Variants in CYP26C1 observed in about 807,000 individuals in gnomAD.
CYP26C1 encodes the protein cytochrome P450 family 26 subfamily C member 1.
Under a neutral mutation model 39.1 loss-of-function variants are expected in CYP26C1, and 41 were observed. That is an observed-to-expected ratio of 1.05 (90% CI 0.82 to 1.36). CYP26C1 has a LOEUF of 1.36. Ranked by LOEUF, CYP26C1 falls within the 40% of genes most tolerant of loss-of-function variation. CYP26C1 has a pLI of 0.00. For synonymous variants in CYP26C1, 362 were observed against 350.8 expected (o/e 1.03, Z -0.36); for missense variants, 833 against 752.0 (o/e 1.11, Z -1.26).
At position 93,068,876 on chromosome 10, in the gene CYP26C1, A is replaced by ACC. The variant is rs1846862895; in HGVS notation, c.*180_*181dup. ...ACTCGAGGAAGGAGGAGGGCGAGCC[A>ACC]CCGCTGCCGCGCCAGAGAAGCATCT... On this transcript the variant is annotated 3_prime_UTR_variant, in exon 6 of 6. Transcript: ENST00000651965. 9.0e-7 allele frequency: 1 copy of ACC among 1,106,676 alleles called. No individual in the cohort carries two copies. The highest frequency in any genetic ancestry group is 1.6e-5 in the African/African-American group (1 of 61,224). The allele number at this position is 1,106,676 out of a possible 1,614,324, so 68.6% of individuals were successfully genotyped here.
At chr10:93,062,348 C>A (rs1351386208) in intron 2 of CYP26C1, 114 bp downstream of exon 2, 13 of 1,133,400 alleles carry the variant, frequency 1.1e-5, no homozygotes, top group Non-Finnish European at 3.6e-6. Flanking sequence ...ACCAAGGTCC[C>A]TGGTAACTAG....
chr10:93,064,677 A>G, intron 4 of CYP26C1, 141 bp downstream of exon 4: 1 of 1,432,542 alleles, frequency 7.0e-7, no homozygotes, highest in Non-Finnish European at 9.1e-7. Flanking sequence ...GCAAGAGGAG[A>G]CCTGGGTTCC....
chr10:93,064,931 A>C (rs1017997679), intron 4 of CYP26C1, among the ~76,000 whole-genome samples: 1 of 152,150 alleles, frequency 6.6e-6, no homozygotes, highest in Non-Finnish European at 1.5e-5. Flanking sequence ...GCTCAGGATC[A>C]AACTCCACAT....
At chr10:93,066,764 GA>G (rs1348494233) in intron 5 of CYP26C1, among the ~76,000 whole-genome samples, 2 of 152,192 alleles carry the variant, frequency 1.3e-5, no homozygotes, top group African/African-American at 4.8e-5. Flanking sequence ...GATTCCAGGG[GA>G]GGGGGGGATT....
rs1590135584 is a variant in CYP26C1, at chr10:93,062,857, C to G, written c.567C>G (p.Thr189=). The G allele has an allele frequency of 1.2e-6, 2 of 1,600,962 alleles. No individual in the cohort carries two copies. The highest frequency in any genetic ancestry group is 4.5e-5 in the East Asian group (2 of 44,796). Reference sequence around the variant, plus strand: ...TCTACGACGCCTCCAAAGCGCTCACCTTCCGCATGGCCGCGCGCATCCTGC... The same window carrying G: ...TCTACGACGCCTCCAAAGCGCTCACGTTCCGCATGGCCGCGCGCATCCTGC... The part of the protein sequence containing the change: ...VSVYDASKAL[T]FRMAARILLG... The change falls in exon 3 of 6, where the codon ACC becomes ACG. Residue 189 remains threonine, a synonymous_variant. Coordinates refer to ENST00000651965, the MANE Select transcript of CYP26C1 (RefSeq NM_183374.3).
In CYP26C1 at chr10:93,068,068, G is replaced by A. The variant is rs567904163; in HGVS notation, c.1192-252G>A. ...AATTTGAATCCTCACCAACAAAGGG[G>A]CCATTTTTCCCCTCATTTTTTCAAA... On this transcript the variant is annotated intron_variant, in intron 5 of 5. Transcript: ENST00000651965. Among the ~76,000 whole-genome samples, 5 of 152,316 alleles carry A rather than the reference G, an allele frequency of 3.3e-5. No individual in the cohort carries two copies. The East Asian group carries it at 7.7e-4, about 23-fold the overall frequency.
Position 93,066,118 on chromosome 10 carries a change from G to C in CYP26C1, c.1024G>C (p.Ala342Pro), listed in dbSNP as rs1478689286. ...CGCGTGCGGCTGCGCGCCCGGGGCC[G>C]CTGGGGGCAGCGAGGGGCCCCCGCC... ...GRACGCAPGA[A>P]GGSEGPPPDC... is the part of the protein sequence containing the mutation. The change falls in exon 5 of 6, where the codon GCT (alanine) becomes CCT (proline). Residue 342 changes from alanine to proline, a missense_variant. Coordinates refer to ENST00000651965, the MANE Select transcript of CYP26C1 (RefSeq NM_183374.3). 1.5e-6 allele frequency: 2 copies of C among 1,324,788 alleles called. No homozygotes were observed. Among genetic ancestry groups the C allele is most frequent in the Admixed American group, 7.8e-5 (2 of 25,786 alleles). 82.1% of individuals were successfully genotyped at this position (1,324,788 alleles called of 1,614,324 possible). A position where few individuals can be genotyped will look rare whatever the true frequency, so the allele number is the denominator to read the frequency against.
Position 93,066,290 on chromosome 10 carries a change from G to A in CYP26C1, c.1191+5G>A, listed in dbSNP as rs1435101900. 2.9e-6 allele frequency: 4 copies of A among 1,364,614 alleles called. No homozygotes were observed. Among genetic ancestry groups the A allele is most frequent in the Admixed American group, 2.9e-5 (1 of 34,816 alleles). 84.5% of individuals were successfully genotyped at this position (1,364,614 alleles called of 1,614,324 possible). A position where few individuals can be genotyped will look rare whatever the true frequency, so the allele number is the denominator to read the frequency against. ...CTGCGCACCTTCGAGCTCGACGTAA[G>A]TGCGCCGTGCCAGCCCATGGCCAGC... On this transcript the variant is annotated splice_donor_5th_base_variant and intron_variant, in intron 5 of 5. Transcript: ENST00000651965.
Position 93,060,970 on chromosome 10 carries a change from A to T in CYP26C1, c.-294A>T, listed in dbSNP as rs954824654. ...AGCCGGGAGTGAGCGTTCCCGAGGC[A>T]GCAGGCACCTTCGAGAGGGACTGGC... On this transcript the variant is annotated 5_prime_UTR_variant, in exon 1 of 6. Coordinates refer to ENST00000651965, the MANE Select transcript of CYP26C1 (RefSeq NM_183374.3). The T allele has an allele frequency of 1.6e-5, 7 of 437,900 alleles. No individual in the cohort carries two copies. The highest frequency in any genetic ancestry group is 2.4e-5 in the Non-Finnish European group (6 of 248,366). 27.1% of individuals were successfully genotyped at this position (437,900 alleles called of 1,614,324 possible). A position where few individuals can be genotyped will look rare whatever the true frequency, so the allele number is the denominator to read the frequency against.
At chr10:93,065,476 G>C (rs1179605561) in intron 4 of CYP26C1, among the ~76,000 whole-genome samples, 1 of 152,192 alleles carries the variant, frequency 6.6e-6, no homozygotes, top group East Asian at 1.9e-4. Flanking sequence ...GCCATTGTCA[G>C]GCTGTTCCAC....
Position 93,062,818 on chromosome 10 carries a change from C to T in CYP26C1, c.528C>T (p.Gly176=). The T allele has an allele frequency of 6.4e-7, 1 of 1,562,130 alleles. No homozygotes were observed. Among genetic ancestry groups the T allele is most frequent in the South Asian group, 1.2e-5 (1 of 86,822 alleles). The part of the protein sequence containing the change: ...RHEVRSWCAA[G]GPVSVYDASK... The stretch of plus-strand genomic sequence containing the variant: ...AGGTGCGCTCCTGGTGCGCGGCGGG[C>T]GGGCCGGTCTCAGTCTACGACGCCT... Residue 176 remains glycine (G), a synonymous_variant, in exon 3 of 6, where the codon GGC becomes GGT. Coordinates refer to ENST00000651965, the MANE Select transcript of CYP26C1 (RefSeq NM_183374.3).
In CYP26C1 at chr10:93,062,184, T is replaced by G; in HGVS notation, c.379T>G (p.Ser127Ala). The G allele has an allele frequency of 6.5e-7, 1 of 1,536,518 alleles. No homozygotes were observed. Among genetic ancestry groups the G allele is most frequent in the Non-Finnish European group, 8.7e-7 (1 of 1,146,334 alleles). ...GCAGAGTGCGCACATCCTGCTGGGC[T>G]CGCACACACTGCTAGGTGCGGTCGG... ...WPQSAHILLG[S>A]HTLLGAVGEP... Residue 127 changes from serine (S) to alanine (A), a missense_variant, in exon 2 of 6, where the codon TCG becomes GCG. Physicochemically the swap from Ser to Ala is moderately conservative, Grantham distance 99 (BLOSUM62 1). Coordinates refer to ENST00000651965, the MANE Select transcript of CYP26C1 (RefSeq NM_183374.3).
In CYP26C1 at chr10:93,061,468, G is replaced by A; in HGVS notation, c.204+1G>A. 2 of 1,550,000 alleles carry A rather than the reference G, an allele frequency of 1.3e-6. No individual in the cohort carries two copies. Among genetic ancestry groups the A allele is most frequent in the Non-Finnish European group, 1.7e-6 (2 of 1,147,374 alleles). ...CGAAACGCTGCACTGGTTAGTTCAG[G>A]TGAGCAGTCCTTCGACCCCGAGCGC... On this transcript the variant is annotated splice_donor_variant, in intron 1 of 5. Coordinates refer to ENST00000651965, the MANE Select transcript of CYP26C1 (RefSeq NM_183374.3). LOFTEE classifies it high-confidence loss of function.
At position 93,068,560 on chromosome 10, in the gene CYP26C1, C is replaced by T; in HGVS notation, c.1432C>T (p.Arg478Cys). 1.3e-6 allele frequency: 2 copies of T among 1,593,172 alleles called. No individual in the cohort carries two copies. Among genetic ancestry groups the T allele is most frequent in the Non-Finnish European group, 1.7e-6 (2 of 1,170,420 alleles). The change falls in exon 6 of 6, where the codon CGC becomes TGC. Residue 478 changes from arginine to cysteine, a missense_variant. Transcript: ENST00000651965. Reference sequence around the variant, plus strand: ...CCAGCTGCTAGCTGTGGAGCTAGTGCGCACCGCGCGCTGGGAACTGGCCAC... The same window carrying T: ...CCAGCTGCTAGCTGTGGAGCTAGTGTGCACCGCGCGCTGGGAACTGGCCAC... ...VLQLLAVELVRTARWELATPA... is the reference protein window; with the variant it reads ...VLQLLAVELVCTARWELATPA...
Position 93,061,311 on chromosome 10 carries a change from C to A in CYP26C1, c.48C>A (p.Gly16=). The A allele has an allele frequency of 6.3e-7, 1 of 1,596,550 alleles. No individual in the cohort carries two copies. Among genetic ancestry groups the A allele is most frequent in the Non-Finnish European group, 8.5e-7 (1 of 1,172,740 alleles). The change falls in exon 1 of 6, where the codon GGC becomes GGA. Residue 16 remains glycine, a synonymous_variant. Transcript: ENST00000651965. ...GCCTGTCAGTGCTGGGGGCGGCGGG[C>A]ACTGCTCTCCTGTGCGCGGGCCTGC... ...LSCLSVLGAA[G]TALLCAGLLL... is the part of the protein sequence containing the mutation.
rs1374881422 is a variant in CYP26C1 at position 93,069,138 on chromosome 10, C to T, written c.*441C>T. The T allele has an allele frequency of 6.4e-6, 1 of 156,810 alleles. No homozygotes were observed. The highest frequency in any genetic ancestry group is 1.4e-5 in the Non-Finnish European group (1 of 71,324). The allele number at this position is 156,810 out of a possible 1,614,324, so 9.7% of individuals were successfully genotyped here. ...CCGACGCACGCGGTGGGACCTGCAA[C>T]CCTTGTAAGGAAGCGGGCACGCCGT... On this transcript the variant is annotated 3_prime_UTR_variant, in exon 6 of 6. Transcript: ENST00000651965.
At chr10:93,062,687 C>T in intron 2 of CYP26C1, 33 bp from the exon 3 acceptor site, 2 of 1,390,040 alleles carry the variant, frequency 1.4e-6, no homozygotes. Flanking sequence ...GAGGCCAGAC[C>T]GCCGCCAGCG....
Position 93,061,112 on chromosome 10 carries a change from T to A in CYP26C1, c.-152T>A. On this transcript the variant is annotated 5_prime_UTR_variant, in exon 1 of 6. Coordinates refer to ENST00000651965, the MANE Select transcript of CYP26C1 (RefSeq NM_183374.3). The stretch of plus-strand genomic sequence containing the variant: ...CCGTCCGTCTGTTTTTAGAACAGAG[T>A]TCTGGCCTGAGCTTATAAATCTCGG... 1 of 772,600 alleles carries A rather than the reference T, an allele frequency of 1.3e-6. No individual in the cohort carries two copies. Among genetic ancestry groups the A allele is most frequent in the Non-Finnish European group, 2.1e-6 (1 of 486,500 alleles). The allele number at this position is 772,600 out of a possible 1,614,324, so 47.9% of individuals were successfully genotyped here.
Position 93,068,496 on chromosome 10 carries a change from G to C in CYP26C1, c.1368G>C (p.Ala456=). 8.7e-6 allele frequency: 14 copies of C among 1,607,722 alleles called. No homozygotes were observed. Among genetic ancestry groups the C allele is most frequent in the Non-Finnish European group, 1.2e-5 (14 of 1,177,768 alleles). The part of the protein sequence containing the change: ...RFHYIPFGGG[A]RSCLGQELAQ... ...ATTACATCCCGTTCGGCGGCGGTGC[G>C]CGCAGCTGCCTCGGCCAGGAGCTGG... is the stretch of plus-strand genomic sequence containing the variant. The change falls in exon 6 of 6, where the codon GCG becomes GCC. Residue 456 remains alanine (A), a synonymous_variant. Transcript: ENST00000651965.
Sources: allele counts gnomAD v4.1 joint callset (sites outside exome capture counted in the v4.1 genomes callset), GRCh38; gene constraint gnomAD v4.1.1; transcripts MANE v1.5; gene names NCBI Gene and HGNC (gene_info 2026-07-23, HGNC 2026-07-21).